PRR14L: variants seen among roughly 807,000 people sequenced by gnomAD.
The protein encoded by PRR14L is proline rich 14 like.
In PRR14L, 80 loss-of-function variants were observed where a neutral mutation model predicts 155.0. That is an observed-to-expected ratio of 0.52 (90% confidence interval 0.43 to 0.62). PRR14L has a LOEUF of 0.62. Among genes scored for constraint, PRR14L ranks in the 20% least tolerant of loss-of-function variants. The pLI, the probability that PRR14L is intolerant of heterozygous loss-of-function variation, is 0.00. For synonymous variants in PRR14L, 883 were observed against 916.0 expected (o/e 0.96, Z 0.65); for missense variants, 2,469 against 2,548.0 (o/e 0.97, Z 0.67).
intron 4 of PRR14L, among the ~76,000 whole-genome samples, chr22:31,708,821 T>A (rs1448752751): frequency 6.6e-6 from 1 of 152,102 alleles, no homozygotes; most frequent in Non-Finnish European, 1.5e-5. Context: ...AGATGGGATT[T>A]ATTTTTTTAT....
intron 2 of PRR14L, among the ~76,000 whole-genome samples, chr22:31,736,353 T>C (rs1208753038): frequency 1.2e-4 from 17 of 142,368 alleles, no homozygotes; most frequent in Non-Finnish European, 2.1e-4. Context: ...ACCATTGCAC[T>C]CCAGCCTGGG....
chr22:31,719,323 G>A (rs2074678053), intron 3 of PRR14L, among the ~76,000 whole-genome samples: 1 of 151,818 alleles, frequency 6.6e-6, no homozygotes, highest in Non-Finnish European at 1.5e-5. Context: ...TGAGGCAGGA[G>A]GATGCTTGAG....
chr22:31,739,398 C>T (rs1486332425), intron 1 of PRR14L, among the ~76,000 whole-genome samples: 1 of 152,162 alleles, frequency 6.6e-6, no homozygotes, highest in Non-Finnish European at 1.5e-5. Flanking sequence ...GACTTTTCCT[C>T]TTTGAGGGAG....
chr22:31,747,851 G>A (rs1034857843), intron 1 of PRR14L, among the ~76,000 whole-genome samples: 1 of 149,470 alleles, frequency 6.7e-6, no homozygotes, highest in Non-Finnish European at 1.5e-5. Context: ...ACCTACCAGT[G>A]AAGGATTAAC....
rs2074573416 is a variant in PRR14L, at chr22:31,703,485, T to C, written c.6000+65A>G. 7.5e-6 allele frequency: 11 copies of C among 1,470,434 alleles called. No homozygotes were observed. In the South Asian group the frequency reaches 1.2e-4, roughly 16 times the overall value. 91.1% of individuals were successfully genotyped at this position (1,470,434 alleles called of 1,614,324 possible). Reference sequence around the variant, plus strand: ...AAGCCAGTCTGTAGCTATAATGCGATGTGAGTTGACAATGGCCACCTCCAA... The same window carrying C: ...AAGCCAGTCTGTAGCTATAATGCGACGTGAGTTGACAATGGCCACCTCCAA... On this transcript the variant is annotated intron_variant, in intron 6 of 8. Transcript: ENST00000327423.
intron 7 of PRR14L, among the ~76,000 whole-genome samples, chr22:31,688,935 T>A (rs2074497298): frequency 7.3e-6 from 1 of 137,726 alleles, no homozygotes; most frequent in Admixed American, 7.3e-5. Flanking sequence ...CAAAAACCCT[T>A]CACACCTATC....
intron 2 of PRR14L, among the ~76,000 whole-genome samples, chr22:31,737,031 CAAAAAAAAAAAAA>C (rs10589286): frequency 2.0e-5 from 1 of 49,840 alleles, no homozygotes; most frequent in Admixed American, 2.9e-4. Context: ...GTGAGAGACT[CAAAAAAAAAAAAA>C]AAAAAAAAAA....
intron 2 of PRR14L, among the ~76,000 whole-genome samples, chr22:31,735,888 A>T (rs574735147): frequency 1.3e-5 from 2 of 151,768 alleles, no homozygotes; most frequent in South Asian, 4.1e-4. Context: ...GTCTCTATTT[A>T]AAAAATACCA....
chr22:31,691,679 G>A (rs746882208), intron 7 of PRR14L, among the ~76,000 whole-genome samples: 1 of 152,112 alleles, frequency 6.6e-6, no homozygotes. Flanking sequence ...TGTTTTCATA[G>A]TTAACTCCTG....
At chr22:31,704,065 G>A (rs2074577284) in intron 5 of PRR14L, among the ~76,000 whole-genome samples, 1 of 152,086 alleles carries the variant, frequency 6.6e-6, no homozygotes, top group Admixed American at 6.6e-5. Flanking sequence ...CCAAAGTGCT[G>A]GGATTACAGG....
At chr22:31,689,303 C>T (rs1241084964) in intron 7 of PRR14L, among the ~76,000 whole-genome samples, 1 of 152,078 alleles carries the variant, frequency 6.6e-6, no homozygotes, top group Non-Finnish European at 1.5e-5. Flanking sequence ...GGCAACAAAG[C>T]AAGACGCTGT....
At position 31,713,175 on chromosome 22, in the gene PRR14L, T is replaced by C. The variant is rs1282050793; in HGVS notation, c.4664A>G (p.Asn1555Ser). ...TCTGTGCGCTTTTGTGGGGATGGGA[T>C]TGGAAGAACTCTTTAAAAAGGCAGA... ...RSSAFLKSSS[N>S]PIPTKAHRLL... The change falls in exon 4 of 9, where the codon AAT (asparagine) becomes AGT (serine). Residue 1555 changes from asparagine to serine, a missense_variant. This residue lies in a region of PRR14L where 2,363 missense variants were observed against 2,371.6 expected (regional missense o/e 1.00). Transcript: ENST00000327423. The C allele has an allele frequency of 5.2e-6, 8 of 1,551,758 alleles. No individual in the cohort carries two copies. Among genetic ancestry groups the C allele is most frequent in the Non-Finnish European group, 7.0e-6 (8 of 1,147,040 alleles).
At position 31,681,894 on chromosome 22, in the gene PRR14L, T is replaced by C. The variant is rs1196054295; in HGVS notation, c.*3633A>G. On this transcript the variant is annotated 3_prime_UTR_variant, in exon 9 of 9. Coordinates refer to ENST00000327423, the MANE Select transcript of PRR14L (RefSeq NM_173566.3). ...AAACTTTGGATACAGCCACCCACAA[T>C]GTGGTTATTTAAGAAGTCCTTTCCA... 1 of 152,118 alleles carries C rather than the reference T, an allele frequency of 6.6e-6. No homozygotes were observed. Among genetic ancestry groups the C allele is most frequent in the Non-Finnish European group, 1.5e-5 (1 of 68,028 alleles). 9.4% of individuals were successfully genotyped at this position (152,118 alleles called of 1,614,324 possible).
chr22:31,735,979 GA>G (rs2074778121), intron 2 of PRR14L, among the ~76,000 whole-genome samples: 1 of 151,236 alleles, frequency 6.6e-6, no homozygotes. Flanking sequence ...CGTGAACCCG[GA>G]AGGCGGAGCT....
rs576504769 is a variant in PRR14L, at chr22:31,745,961, G to T, written c.-52+4032C>A. Among the ~76,000 whole-genome samples, 7 of 151,366 alleles carry T rather than the reference G, an allele frequency of 4.6e-5. No individual in the cohort carries two copies. The East Asian group carries it at 1.4e-3, about 29-fold the overall frequency. On this transcript the variant is annotated intron_variant, in intron 1 of 8. Transcript: ENST00000327423. ...TTGAACTTTTTTTTTTGGAGATAGG[G>T]TCTCTGTGGCCCAGGCTGGAATGCA...
chr22:31,705,797 C>T (rs959498226), intron 4 of PRR14L, among the ~76,000 whole-genome samples: 1 of 151,030 alleles, frequency 6.6e-6, no homozygotes, highest in Non-Finnish European at 1.5e-5. Flanking sequence ...GCCAGGAGTT[C>T]GAGACCAGCC....
rs1250902703 is a variant in PRR14L at position 31,714,807 on chromosome 22, T to C, written c.3032A>G (p.Asn1011Ser). The change falls in exon 4 of 9, where the codon AAC becomes AGC. Residue 1011 changes from asparagine (N) to serine (S), a missense_variant. Around this residue, in one of 2 missense-constraint regions of PRR14L, gnomAD observed 2,363 missense variants for 2,371.6 expected, o/e 1.00. Transcript: ENST00000327423. ...VTEPHGEVNH[N>S]QKDLLVSSGS... ...TGAGCTGACCAGCAGATCCTTTTGG[T>C]TGTGGTTTACCTCCCCGTGAGGCTC... 6.4e-7 allele frequency: 1 copy of C among 1,552,230 alleles called. No homozygotes were observed. The highest frequency in any genetic ancestry group is 8.7e-7 in the Non-Finnish European group (1 of 1,147,120).
chr22:31,714,053 A>T lies in PRR14L; in HGVS notation c.3786T>A (p.Cys1262Ter). The change falls in exon 4 of 9, where the codon TGT (cysteine) becomes TGA (stop). Residue 1262 changes from cysteine (C) to a stop codon, truncating the protein, a stop_gained. Coordinates refer to ENST00000327423, the MANE Select transcript of PRR14L (RefSeq NM_173566.3). LOFTEE classifies it high-confidence loss of function. ...NSEETDLKNL[C>*]KPKDGEMLCE... Reference sequence around the variant, plus strand: ...AAAGCATTTCACCATCTTTTGGTTTACAAAGATTTTTCAGGTCAGTTTCTT... The same window carrying T: ...AAAGCATTTCACCATCTTTTGGTTTTCAAAGATTTTTCAGGTCAGTTTCTT... The T allele has an allele frequency of 6.5e-7, 1 of 1,550,214 alleles. No homozygotes were observed. The highest frequency in any genetic ancestry group is 8.7e-7 in the Non-Finnish European group (1 of 1,146,658).
At chr22:31,688,993 A>G (rs574400865) in intron 7 of PRR14L, among the ~76,000 whole-genome samples, 2 of 152,206 alleles carry the variant, frequency 1.3e-5, no homozygotes, top group East Asian at 3.9e-4. Context: ...AAAGCAGGCC[A>G]TATGCTTGCT....
Sources: gnomAD v4.1 joint callset for allele counts (sites outside exome capture counted in the v4.1 genomes callset) on GRCh38, gnomAD v4.1.1 for gene constraint, gnomAD v4.1.1 regional missense constraint, MANE v1.5 for transcripts, NCBI Gene and HGNC (gene_info 2026-07-23, HGNC 2026-07-21) for gene names.